CACNA1C: variants seen among roughly 807,000 people sequenced by gnomAD.
CACNA1C encodes voltage-dependent L-type calcium channel subunit alpha-1C.
In CACNA1C, 30 loss-of-function variants were observed where a neutral mutation model predicts 229.0. The observed-to-expected ratio is 0.13, with a 90% CI of 0.10 to 0.18. The LOEUF (loss-of-function observed/expected upper bound fraction) is 0.18, where lower values mean the gene tolerates loss of function less well. CACNA1C is among the 10% of genes least tolerant of loss of function. The pLI is 1.00. For missense variants in CACNA1C, 1,658 were observed against 2,845.0 expected (o/e 0.58, Z 9.49); for synonymous variants, 1,114 against 1,132.5 (o/e 0.98, Z 0.33).
intron 3 of CACNA1C, among the ~76,000 whole-genome samples, chr12:2,436,190 G>A (rs1379743679): frequency 1.3e-5 from 2 of 152,234 alleles, no homozygotes; most frequent in East Asian, 3.9e-4. Flanking sequence ...ATCCTTATAA[G>A]TTCTTGAGTT....
chr12:2,268,228 T>A (rs554824847), intron 3 of CACNA1C, among the ~76,000 whole-genome samples: 6 of 152,230 alleles, frequency 3.9e-5, no homozygotes, highest in Admixed American at 2.0e-4. Context: ...GAAGAGGGTT[T>A]AGCTTTCAAG....
intron 3 of CACNA1C, among the ~76,000 whole-genome samples, chr12:2,408,559 G>C (rs986613046): frequency 6.6e-6 from 1 of 150,438 alleles, no homozygotes; most frequent in African/African-American, 2.5e-5. Flanking sequence ...AGAGAACTCT[G>C]CTATGTTATT....
chr12:2,583,117 G>A (rs1054257783), intron 15 of CACNA1C, among the ~76,000 whole-genome samples, 175 bp downstream of exon 15: 16 of 152,212 alleles, frequency 1.1e-4, no homozygotes, highest in African/African-American at 2.9e-4. Context: ...TTTGGCATGG[G>A]TGAGGTTCAC....
intron 1 of CACNA1C, among the ~76,000 whole-genome samples, chr12:2,101,259 G>A (rs1265622074): frequency 6.6e-6 from 1 of 152,160 alleles, no homozygotes; most frequent in Non-Finnish European, 1.5e-5. Flanking sequence ...GAGTACCCAG[G>A]CGCAGAGCTT....
At chr12:2,475,690 A>G (rs929212470) in intron 5 of CACNA1C, among the ~76,000 whole-genome samples, 1 of 152,248 alleles carries the variant, frequency 6.6e-6, no homozygotes, top group African/African-American at 2.4e-5. Context: ...CAGAAACTGA[A>G]AAGAATTGGG....
intron 9 of CACNA1C, among the ~76,000 whole-genome samples, chr12:2,540,601 C>T (rs112698956): frequency 5.3e-5 from 8 of 152,256 alleles, no homozygotes; most frequent in African/African-American, 1.2e-4. Context: ...ACACAGGGCA[C>T]GGCAGTCCCA....
At chr12:2,328,802 A>G (rs956248387) in intron 3 of CACNA1C, among the ~76,000 whole-genome samples, 2 of 152,186 alleles carry the variant, frequency 1.3e-5, no homozygotes, top group Non-Finnish European at 2.9e-5. Context: ...TTGCTAATGC[A>G]TCTTCTTTAT....
chr12:2,383,539 C>T (rs2098306429), intron 3 of CACNA1C, among the ~76,000 whole-genome samples: 1 of 152,092 alleles, frequency 6.6e-6, no homozygotes, highest in Admixed American at 6.6e-5. Context: ...CCTGAATTCC[C>T]AGACAGAGGA....
At chr12:2,090,855 C>G (rs1002253069) in intron 1 of CACNA1C, among the ~76,000 whole-genome samples, 2 of 152,158 alleles carry the variant, frequency 1.3e-5, no homozygotes, top group Non-Finnish European at 2.9e-5. Flanking sequence ...ACTTTCCCGC[C>G]AACAGTGCTT....
chr12:1,990,736 A>G (rs1000246888), intron 1 of CACNA1C, among the ~76,000 whole-genome samples: 3 of 152,198 alleles, frequency 2.0e-5, no homozygotes, highest in Non-Finnish European at 4.4e-5. Context: ...TCCTGAGTAA[A>G]GCTGAGTTCC....
intron 7 of CACNA1C, among the ~76,000 whole-genome samples, chr12:2,500,074 C>T (rs73250493): frequency 2.2e-3 from 328 of 152,316 alleles, no homozygotes; most frequent in African/African-American, 7.6e-3. Context: ...CTCACCCAGG[C>T]AGTGGGGTTC....
chr12:2,147,186 G>A (rs147300429), intron 3 of CACNA1C, among the ~76,000 whole-genome samples: 28 of 151,472 alleles, frequency 1.8e-4, no homozygotes, highest in Middle Eastern at 3.4e-3. Context: ...CCAAAATGTT[G>A]TGAGTTGCTT....
intron 3 of CACNA1C, among the ~76,000 whole-genome samples, chr12:2,404,774 G>T (rs1218774089): frequency 6.6e-6 from 1 of 152,066 alleles, no homozygotes; most frequent in Non-Finnish European, 1.5e-5. Flanking sequence ...ACCATAGAAA[G>T]ATTACACAGC....
At chr12:1,983,059 C>G (rs770300087) in intron 1 of CACNA1C, among the ~76,000 whole-genome samples, 1 of 151,094 alleles carries the variant, frequency 6.6e-6, no homozygotes, top group Non-Finnish European at 1.5e-5. Flanking sequence ...ATAGTACTCC[C>G]TTATTATCCT....
At chr12:2,179,720 C>G (rs184123625) in intron 3 of CACNA1C, among the ~76,000 whole-genome samples, 1 of 152,108 alleles carries the variant, frequency 6.6e-6, no homozygotes, top group Admixed American at 6.5e-5. Context: ...AAGAGTAGCT[C>G]GAAAAAGAAC....
chr12:2,177,539 CCCTTT>C (rs1395724137), intron 3 of CACNA1C, among the ~76,000 whole-genome samples: 2 of 147,496 alleles, frequency 1.4e-5, no homozygotes, highest in African/African-American at 5.0e-5. Flanking sequence ...CCTCTCCCTT[CCCTTT>C]CCTTCCTTCC....
At chr12:2,264,722 C>A (rs2081657582) in intron 3 of CACNA1C, among the ~76,000 whole-genome samples, 1 of 152,228 alleles carries the variant, frequency 6.6e-6, no homozygotes. Context: ...TGCCCACTGG[C>A]TGATGAAACA....
At chr12:2,532,095 C>A (rs1294440723) in intron 9 of CACNA1C, among the ~76,000 whole-genome samples, 1 of 152,224 alleles carries the variant, frequency 6.6e-6, no homozygotes, top group Non-Finnish European at 1.5e-5. Context: ...TAATTACTCA[C>A]ACTAATTGCT....
At chr12:2,384,467 T>C (rs942435025) in intron 3 of CACNA1C, among the ~76,000 whole-genome samples, 1 of 152,214 alleles carries the variant, frequency 6.6e-6, no homozygotes, top group Admixed American at 6.5e-5. Context: ...ATTAGAGGTC[T>C]CCTGGCACCC....
Sources: allele counts gnomAD v4.1 joint callset (sites outside exome capture counted in the v4.1 genomes callset), GRCh38; gene constraint gnomAD v4.1.1; transcripts MANE v1.5; gene names NCBI Gene and HGNC (gene_info 2026-07-23, HGNC 2026-07-21).